MCF2L2: variants seen among roughly 807,000 people sequenced by gnomAD.
MCF2L2 encodes the protein MCF.2 cell line derived transforming sequence-like 2, also known as probable guanine nucleotide exchange factor MCF2L2.
Under a neutral mutation model 150.2 loss-of-function variants are expected in MCF2L2, and 102 were observed. The observed-to-expected ratio is 0.68, with a 90% CI of 0.58 to 0.80. MCF2L2 has a LOEUF of 0.80. Among genes scored for constraint, MCF2L2 ranks in the 30% least tolerant of loss-of-function variants. The probability of loss-of-function intolerance (pLI) is 0.00; values close to 1 mark genes in which losing one functional copy is unlikely to be tolerated. For synonymous variants in MCF2L2, 465 were observed against 491.3 expected (o/e 0.95, Z 0.71); for missense variants, 1,256 against 1,372.8 (o/e 0.91, Z 1.34).
At chr3:183,271,399 T>C (rs1403018095) in intron 15 of MCF2L2, 6 of 167,538 alleles carry the variant, frequency 3.6e-5, no homozygotes, top group South Asian at 2.1e-4. Context: ...AAGGTCAGCA[T>C]AGGAGAGAAA....
chr3:183,371,872 G>T (rs927760357), intron 3 of MCF2L2: 1 of 152,094 alleles, frequency 6.6e-6, no homozygotes, highest in Non-Finnish European at 1.5e-5. Context: ...GAAACAGGAG[G>T]GCAGAGGAAG....
At chr3:183,368,334 T>A (rs1466611499) in intron 3 of MCF2L2, among the ~76,000 whole-genome samples, 2 of 152,162 alleles carry the variant, frequency 1.3e-5, no homozygotes, top group East Asian at 1.9e-4. Flanking sequence ...CTACCATCCA[T>A]CTGCCAAATC....
Position 183,206,150 on chromosome 3 carries a change from C to A in MCF2L2, c.2777G>T (p.Arg926Leu). ...CAGGATGTATTTCTCAAGTCCATTT[C>A]GACTGGCAATCTCAAACTTTCTATG... The part of the protein sequence containing the change: ...GSHRKFEIAS[R>L]NGLEKYILQA... The change falls in exon 24 of 30, where the codon CGA becomes CTA. Residue 926 changes from arginine to leucine, a missense_variant. Coordinates refer to ENST00000328913, the MANE Select transcript of MCF2L2 (RefSeq NM_015078.4). The A allele has an allele frequency of 6.2e-7, 1 of 1,614,142 alleles. No homozygotes were observed. The highest frequency in any genetic ancestry group is 8.5e-7 in the Non-Finnish European group (1 of 1,180,024).
In MCF2L2 at chr3:183,201,007, A is replaced by G. The variant is rs544664459; in HGVS notation, c.2884+4869T>C. Among the ~76,000 whole-genome samples the G allele has an allele frequency of 3.3e-5, 5 of 152,320 alleles. No homozygotes were observed. The East Asian group carries it at 5.8e-4, about 18-fold the overall frequency. On this transcript the variant is annotated intron_variant, in intron 25 of 29. Transcript: ENST00000328913. Reference sequence around the variant, plus strand: ...TATCTCTGTTTTTGGTACCAGTACCATGCTGTTTTGATTACTGTAGCCTTG... The same window carrying G: ...TATCTCTGTTTTTGGTACCAGTACCGTGCTGTTTTGATTACTGTAGCCTTG...
chr3:183,182,640 A>C (rs13320211), intron 27 of MCF2L2: 12,379 of 152,448 alleles, frequency 0.081, 1,389 homozygotes, highest in African/African-American at 0.25. Context: ...TCCTGAGACA[A>C]ACTGCAGCTG....
chr3:183,412,040 G>A (rs889925272), intron 1 of MCF2L2, among the ~76,000 whole-genome samples: 1 of 152,168 alleles, frequency 6.6e-6, no homozygotes, highest in Non-Finnish European at 1.5e-5. Flanking sequence ...TCCACTAGAA[G>A]CCAGAATGCT....
intron 3 of MCF2L2, among the ~76,000 whole-genome samples, chr3:183,351,417 G>A (rs1162174964): frequency 1.3e-5 from 2 of 151,294 alleles, no homozygotes; most frequent in East Asian, 1.9e-4. Context: ...AAATATTTTG[G>A]TCAATTGAAA....
intron 3 of MCF2L2, among the ~76,000 whole-genome samples, chr3:183,351,644 A>C (rs1711506987): frequency 6.6e-6 from 1 of 152,218 alleles, no homozygotes; most frequent in Admixed American, 6.5e-5. Flanking sequence ...TACTGGAAGA[A>C]ATCAAACTAC....
intron 1 of MCF2L2, among the ~76,000 whole-genome samples, chr3:183,424,758 T>C (rs1051775087): frequency 6.6e-6 from 1 of 152,122 alleles, no homozygotes; most frequent in Non-Finnish European, 1.5e-5. Flanking sequence ...TGGCATTGTA[T>C]TGGGTTTCAA....
At chr3:183,218,148 C>T (rs1455306530) in intron 21 of MCF2L2, among the ~76,000 whole-genome samples, 3 of 152,138 alleles carry the variant, frequency 2.0e-5, no homozygotes, top group Non-Finnish European at 2.9e-5. Flanking sequence ...TTAATCTATG[C>T]GGAAGCACTG....
chr3:183,192,923 T>C lies in MCF2L2; in HGVS notation c.3016+76A>G, dbSNP rs77551830. On this transcript the variant is annotated intron_variant, in intron 27 of 29. Coordinates refer to ENST00000328913, the MANE Select transcript of MCF2L2 (RefSeq NM_015078.4). ...TAAAGAAGGGCTGGGCCCTAGGTGA[T>C]GTCTTCCTTAGCATCTAAGCAGCTG... 1.7e-4 allele frequency: 181 copies of C among 1,055,170 alleles called. No homozygotes were observed. The African/African-American group carries it at 2.7e-3, about 16-fold the overall frequency. The allele number at this position is 1,055,170 out of a possible 1,614,324, so 65.4% of individuals were successfully genotyped here.
At chr3:183,252,488 T>C (rs1004113243) in intron 15 of MCF2L2, among the ~76,000 whole-genome samples, 2 of 152,212 alleles carry the variant, frequency 1.3e-5, no homozygotes, top group Non-Finnish European at 2.9e-5. Flanking sequence ...AAAATCTAGT[T>C]TGAATGAACA....
Position 183,179,279 on chromosome 3 carries a change from GGCT to G in MCF2L2, c.*98_*100del, listed in dbSNP as rs1560326843. Reference sequence around the variant, plus strand: ...CCCTTTCTGCCGCCGCCGAGGCTCCGGCTGCTTTCTGCGTAGCTGGGCAGGGCC... The same window carrying G: ...CCCTTTCTGCCGCCGCCGAGGCTCCGGCTTTCTGCGTAGCTGGGCAGGGCC... On this transcript the variant is annotated 3_prime_UTR_variant, in exon 30 of 30. Coordinates refer to ENST00000328913, the MANE Select transcript of MCF2L2 (RefSeq NM_015078.4). The surrounding 1 kb of genome is among the most constrained non-coding windows in gnomAD (Gnocchi z 4.2). 1.3e-5 allele frequency: 18 copies of G among 1,339,962 alleles called. No individual in the cohort carries two copies. Among genetic ancestry groups the G allele is most frequent in the Non-Finnish European group, 1.9e-6 (2 of 1,048,372 alleles). The allele number at this position is 1,339,962 out of a possible 1,614,324, so 83.0% of individuals were successfully genotyped here.
chr3:183,233,393 GAT>G (rs139692115), intron 15 of MCF2L2, among the ~76,000 whole-genome samples: 5 of 150,860 alleles, frequency 3.3e-5, no homozygotes, highest in East Asian at 1.9e-4. Context: ...GATATAGATA[GAT>G]ATATGTGTGT....
At chr3:183,388,316 T>C (rs907812717) in intron 2 of MCF2L2, among the ~76,000 whole-genome samples, 1 of 149,806 alleles carries the variant, frequency 6.7e-6, no homozygotes, top group Non-Finnish European at 1.5e-5. Flanking sequence ...TTCCAGACCT[T>C]GAGCTGCATG....
intron 3 of MCF2L2, among the ~76,000 whole-genome samples, chr3:183,355,608 A>G (rs11715429): frequency 0.4 from 56,813 of 141,954 alleles, 12,752 homozygotes; most frequent in African/African-American, 0.62. Flanking sequence ...CACCACGCCC[A>G]GCTAATTTTT....
intron 1 of MCF2L2, among the ~76,000 whole-genome samples, chr3:183,401,195 C>A (rs754849125): frequency 6.6e-6 from 1 of 152,196 alleles, no homozygotes; most frequent in Non-Finnish European, 1.5e-5. Flanking sequence ...GGATGATATA[C>A]TCAGAGAGAG....
intron 3 of MCF2L2, among the ~76,000 whole-genome samples, chr3:183,351,924 T>C (rs1467657142): frequency 6.6e-6 from 1 of 152,212 alleles, no homozygotes; most frequent in Non-Finnish European, 1.5e-5. Flanking sequence ...TAACATTCTA[T>C]GATTTACTGA....
intron 25 of MCF2L2, 138 bp from the exon 26 acceptor site, chr3:183,195,393 A>G (rs1722047974): frequency 3.4e-6 from 2 of 590,528 alleles, no homozygotes; most frequent in Non-Finnish European, 5.8e-6. Flanking sequence ...GGTCTTGATC[A>G]TATTTTCCCA....
Sources: allele counts gnomAD v4.1 joint callset (sites outside exome capture counted in the v4.1 genomes callset), GRCh38; gene constraint gnomAD v4.1.1; non-coding constraint Gnocchi (gnomAD v3.1); transcripts MANE v1.5; gene names NCBI Gene and HGNC (gene_info 2026-07-23, HGNC 2026-07-21).